NPAS2: variants seen among roughly 807,000 people sequenced by gnomAD.
The protein encoded by NPAS2 is neuronal PAS domain-containing protein 2.
A neutral mutation model predicts 107.5 loss-of-function variants in NPAS2; 23 were observed. The ratio of observed to expected loss-of-function variants is 0.21; its 90% CI spans 0.15 to 0.30. The LOEUF is 0.30. NPAS2 is among the 10% of genes least tolerant of loss of function. NPAS2 has a pLI of 1.00. For missense variants in NPAS2, 756 were observed against 1,043.3 expected, an observed-to-expected ratio of 0.72 and a Z score of 3.79; for synonymous variants, 403 against 417.5, an observed-to-expected ratio of 0.97 and a Z score of 0.42.
At chr2:100,980,202 C>A (rs1677348732) in intron 15 of NPAS2, among the ~76,000 whole-genome samples, 1 of 152,182 alleles carries the variant, frequency 6.6e-6, no homozygotes, top group Non-Finnish European at 1.5e-5. Context: ...CCTCCTAACC[C>A]AGCCCATCGC....
chr2:100,878,400 A>G, intron 1 of NPAS2: 1 of 985,456 alleles, frequency 1.0e-6, no homozygotes, highest in East Asian at 1.1e-4. Flanking sequence ...CTGGAAAACC[A>G]GCAGTTCCTC....
intron 1 of NPAS2, among the ~76,000 whole-genome samples, chr2:100,841,875 G>A (rs149513857): frequency 6.6e-5 from 10 of 152,064 alleles, no homozygotes; most frequent in African/African-American, 9.6e-5. Flanking sequence ...GCACATATGC[G>A]CATGTACACA....
chr2:100,904,744 T>C lies in NPAS2; in HGVS notation c.-11T>C, dbSNP rs1258775345. ...TTTTTTTTTTGCAGGAAAAACTGCA[T>C]AGAAAATCTAATGGATGAAGATGAG... On this transcript the variant is annotated 5_prime_UTR_variant, in exon 2 of 21. Transcript: ENST00000335681. 1 of 1,576,984 alleles carries C rather than the reference T, an allele frequency of 6.3e-7. No homozygotes were observed. Among genetic ancestry groups the C allele is most frequent in the Non-Finnish European group, 8.7e-7 (1 of 1,152,642 alleles).
intron 2 of NPAS2, among the ~76,000 whole-genome samples, chr2:100,916,435 TAAAG>T (rs1312970877): frequency 2.0e-5 from 3 of 152,086 alleles, no homozygotes; most frequent in Non-Finnish European, 4.4e-5. Flanking sequence ...AAACACTAAT[TAAAG>T]AAAGCCAAAA....
At position 100,953,069 on chromosome 2, in the gene NPAS2, A is replaced by C. The variant is rs1353727658; in HGVS notation, c.598+3589A>C. 6.3e-4 allele frequency among the ~76,000 whole-genome samples: 85 copies of C among 134,188 alleles called. 5 individuals carry two copies. Among genetic ancestry groups the C allele is most frequent in the Middle Eastern group, 3.5e-3 (1 of 288 alleles). The allele number at this position is 134,188 out of a possible 152,430, so 88.0% of individuals were successfully genotyped here. A position where few individuals can be genotyped will look rare whatever the true frequency, so the allele number is the denominator to read the frequency against. On this transcript the variant is annotated intron_variant, in intron 7 of 20. Coordinates refer to ENST00000335681, the MANE Select transcript of NPAS2 (RefSeq NM_002518.4). The stretch of plus-strand genomic sequence containing the variant: ...TAGCAAAAATTGTCAGAGACAAATG[A>C]ATTTCTCAGGTTAAACCCTATAAAG...
At chr2:100,827,892 T>G (rs1676485974) in intron 1 of NPAS2, among the ~76,000 whole-genome samples, 1 of 152,226 alleles carries the variant, frequency 6.6e-6, no homozygotes, top group Non-Finnish European at 1.5e-5. Context: ...TATATCTTTT[T>G]GGTAAAATGA....
chr2:100,943,473 T>C (rs13432905), intron 5 of NPAS2, among the ~76,000 whole-genome samples: 3,178 of 152,360 alleles, frequency 0.021, 78 homozygotes, highest in African/African-American at 0.055. Context: ...CTCTCATTCA[T>C]CCCACCCTAG....
At chr2:100,871,172 C>G (rs1679559108) in intron 1 of NPAS2, among the ~76,000 whole-genome samples, 1 of 152,144 alleles carries the variant, frequency 6.6e-6, no homozygotes, top group African/African-American at 2.4e-5. Context: ...TTTATTGGAA[C>G]ACAGCCACAC....
chr2:100,873,277 T>TAC (rs1679709361), intron 1 of NPAS2, among the ~76,000 whole-genome samples: 3 of 60,188 alleles, frequency 5.0e-5, no homozygotes, highest in Non-Finnish European at 7.5e-5. Flanking sequence ...AAAAAATACA[T>TAC]ATATATATAT....
chr2:100,977,029 A>C (rs953053304), intron 14 of NPAS2: 2 of 148,430 alleles, frequency 1.3e-5, no homozygotes, highest in African/African-American at 2.5e-5. Flanking sequence ...GAGTCCTTTC[A>C]CTGTTCTTTA....
intron 1 of NPAS2, among the ~76,000 whole-genome samples, chr2:100,889,446 G>A (rs929951268): frequency 3.3e-5 from 5 of 152,172 alleles, no homozygotes; most frequent in African/African-American, 1.2e-4. Flanking sequence ...TGTGACATTC[G>A]AGGAGACGAC....
In NPAS2 at chr2:100,964,955, G is replaced by C; in HGVS notation, c.800+12G>C. ...TTTCTGGATCACAGGTTTGAGAAAA[G>C]AAAAACATATTTGGGTTGGGCCCTT... is the stretch of plus-strand genomic sequence containing the variant. On this transcript the variant is annotated intron_variant, in intron 9 of 20. Coordinates refer to ENST00000335681, the MANE Select transcript of NPAS2 (RefSeq NM_002518.4). 1 of 1,544,468 alleles carries C rather than the reference G, an allele frequency of 6.5e-7. No individual in the cohort carries two copies. The highest frequency in any genetic ancestry group is 8.7e-7 in the Non-Finnish European group (1 of 1,150,816).
At chr2:100,914,113 TCA>T (rs896156977) in intron 2 of NPAS2, among the ~76,000 whole-genome samples, 3 of 152,148 alleles carry the variant, frequency 2.0e-5, no homozygotes, top group African/African-American at 7.2e-5. Context: ...TGAAATCCTC[TCA>T]GAGAAGCGCC....
intron 7 of NPAS2, among the ~76,000 whole-genome samples, chr2:100,949,821 T>C (rs192987921): frequency 6.6e-6 from 1 of 152,286 alleles, no homozygotes; most frequent in East Asian, 1.9e-4. Context: ...CGTGGTGACT[T>C]GATGATCCAT....
intron 1 of NPAS2, among the ~76,000 whole-genome samples, chr2:100,903,267 CAT>C (rs769449666): frequency 6.6e-5 from 10 of 152,194 alleles, no homozygotes; most frequent in African/African-American, 9.7e-5. Context: ...AATGAATTGA[CAT>C]AAAACTTTGA....
intron 4 of NPAS2, among the ~76,000 whole-genome samples, chr2:100,937,326 T>C (rs1684389190): frequency 6.6e-6 from 1 of 152,230 alleles, no homozygotes; most frequent in South Asian, 2.1e-4. Flanking sequence ...TTAGGTCTGA[T>C]ACCTTTATCA....
At chr2:100,958,432 T>G (rs1363351362) in intron 7 of NPAS2, among the ~76,000 whole-genome samples, 2 of 152,190 alleles carry the variant, frequency 1.3e-5, no homozygotes, top group African/African-American at 4.8e-5. Context: ...GTGGACGGCT[T>G]CGTGGAAGGA....
intron 2 of NPAS2, among the ~76,000 whole-genome samples, chr2:100,910,877 G>GC (rs962705077): frequency 6.6e-5 from 10 of 152,026 alleles, no homozygotes; most frequent in African/African-American, 2.4e-4. Flanking sequence ...GCCCAGTGAT[G>GC]CCCCCAAACC....
intron 1 of NPAS2, among the ~76,000 whole-genome samples, chr2:100,877,075 G>A (rs1473820106): frequency 3.9e-5 from 6 of 152,214 alleles, no homozygotes; most frequent in African/African-American, 7.2e-5. Context: ...TCCTCCTGAT[G>A]ACCAAGCCAC....
Sources: gnomAD v4.1 joint callset for allele counts (sites outside exome capture counted in the v4.1 genomes callset) on GRCh38, gnomAD v4.1.1 for gene constraint, MANE v1.5 for transcripts, NCBI Gene and HGNC (gene_info 2026-07-23, HGNC 2026-07-21) for gene names.